The following SLC66A3 variants were observed in gnomAD, a reference collection of about 807,000 sequenced individuals.
The protein encoded by SLC66A3 is solute carrier family 66 member 3.
Under a neutral mutation model 25.5 loss-of-function variants are expected in SLC66A3, and 23 were observed. The ratio of observed to expected loss-of-function variants is 0.90; its 90% CI spans 0.65 to 1.28. The LOEUF (loss-of-function observed/expected upper bound fraction) is 1.28. Among genes scored for constraint, SLC66A3 ranks in the 50% most tolerant of loss-of-function variants. The pLI is 0.00. For missense variants in SLC66A3, 246 were observed against 262.1 expected, an observed-to-expected ratio of 0.94 and a Z score of 0.42; for synonymous variants, 108 against 112.6, an observed-to-expected ratio of 0.96 and a Z score of 0.26.
rs751674811 is a variant in SLC66A3, at chr2:11,155,643, A to T, written c.97A>T (p.Ser33Cys). 2 of 1,505,036 alleles carry T rather than the reference A, an allele frequency of 1.3e-6. No individual in the cohort carries two copies. The highest frequency in any genetic ancestry group is 1.8e-6 in the Non-Finnish European group (2 of 1,137,164). 93.2% of individuals were successfully genotyped at this position (1,505,036 alleles called of 1,614,324 possible). A position where few individuals can be genotyped will look rare whatever the true frequency, so the allele number is the denominator to read the frequency against. ...GATCTCCGCTGTGCTAGCGGCGCGC[A>T]GCGCGCGGGGCCTCAGCCTTCCGAG... ...PQISAVLAARSARGLSLPSLL... is the reference protein window; with the variant it reads ...PQISAVLAARCARGLSLPSLL... Residue 33 changes from serine to cysteine, a missense_variant, in exon 1 of 7, where the codon AGC (serine) becomes TGC (cysteine). By Grantham distance (112) the Ser-to-Cys change is moderately radical. Transcript: ENST00000295083.
chr2:11,162,637 C>T (rs541909193), intron 3 of SLC66A3, among the ~76,000 whole-genome samples: 160 of 152,268 alleles, frequency 1.1e-3, no homozygotes, highest in African/African-American at 3.7e-3. Flanking sequence ...GACGGAGTCA[C>T]ACTCTGTCGC....
At chr2:11,173,939 C>T (rs1256536335) in intron 5 of SLC66A3, among the ~76,000 whole-genome samples, 1 of 152,278 alleles carries the variant, frequency 6.6e-6, no homozygotes, top group East Asian at 1.9e-4. Flanking sequence ...AGGATAGAAA[C>T]CAGTGATTCG....
intron 1 of SLC66A3, among the ~76,000 whole-genome samples, chr2:11,158,798 G>A (rs978158686): frequency 6.7e-6 from 1 of 150,042 alleles, no homozygotes; most frequent in African/African-American, 2.4e-5. Context: ...CAGCCTGGGC[G>A]ACAGAGCAAG....
intron 4 of SLC66A3, 76 bp downstream of exon 4, chr2:11,164,337 A>ATTTTTTTTT (rs1662231872): frequency 8.3e-6 from 1 of 120,288 alleles, no homozygotes; most frequent in Non-Finnish European, 1.4e-5. Flanking sequence ...TTATATATAT[A>ATTTTTTTTT]TATATATATT....
At position 11,160,460 on chromosome 2, in the gene SLC66A3, C is replaced by T; in HGVS notation, c.144-6C>T. The T allele has an allele frequency of 6.2e-7, 1 of 1,614,020 alleles. No homozygotes were observed. The highest frequency in any genetic ancestry group is 8.5e-7 in the Non-Finnish European group (1 of 1,179,878). On this transcript the variant is annotated splice_polypyrimidine_tract_variant and splice_region_variant and intron_variant, in intron 1 of 6. Transcript: ENST00000295083. ...GCCGTGTGGACATGTGCCCTTCTCT[C>T]TCCAGATTCCTGGTGTTTCTGCGGT...
rs1259749799 is a variant in SLC66A3 at position 11,178,812 on chromosome 2, CAG to C, written c.*988_*989del. ...TGTTAGATGCAGTAATGATGTTTAC[CAG>C]AGATTATTGTTTCCTATGCAAAATA... On this transcript the variant is annotated 3_prime_UTR_variant, in exon 7 of 7. Coordinates refer to ENST00000295083, the MANE Select transcript of SLC66A3 (RefSeq NM_152391.5). The C allele has an allele frequency of 4.6e-5, 7 of 152,110 alleles. No homozygotes were observed. Among genetic ancestry groups the C allele is most frequent in the African/African-American group, 1.2e-4 (5 of 41,498 alleles). The allele number at this position is 152,110 out of a possible 1,614,324, so 9.4% of individuals were successfully genotyped here.
rs113011702 is a variant in SLC66A3, at chr2:11,156,515, A to T, written c.143+826A>T. Reference sequence around the variant, plus strand: ...TGGGGTCTGAAGCCTGGTCCTCCACACAAGCCTTCCTGGTGGGCGGGGTGG... The same window carrying T: ...TGGGGTCTGAAGCCTGGTCCTCCACTCAAGCCTTCCTGGTGGGCGGGGTGG... On this transcript the variant is annotated intron_variant, in intron 1 of 6. Coordinates refer to ENST00000295083, the MANE Select transcript of SLC66A3 (RefSeq NM_152391.5). Among the ~76,000 whole-genome samples the T allele has an allele frequency of 2.0e-5, 3 of 151,934 alleles. No homozygotes were observed. The East Asian group carries it at 5.8e-4, about 29-fold the overall frequency.
At chr2:11,175,810 A>AAC (rs1470377273) in intron 6 of SLC66A3, among the ~76,000 whole-genome samples, 18 of 152,238 alleles carry the variant, frequency 1.2e-4, no homozygotes, top group African/African-American at 4.3e-4. Flanking sequence ...AAATGATTAG[A>AAC]ACAGATGGTG....
At chr2:11,169,726 C>T (rs1049319162) in intron 4 of SLC66A3, among the ~76,000 whole-genome samples, 2 of 152,076 alleles carry the variant, frequency 1.3e-5, no homozygotes, top group African/African-American at 4.8e-5. Context: ...TCTGATCTCC[C>T]ACCCTGCCCC....
Position 11,156,776 on chromosome 2 carries a change from G to T in SLC66A3, c.143+1087G>T, listed in dbSNP as rs985659422. Among the ~76,000 whole-genome samples the T allele has an allele frequency of 6.2e-4, 94 of 152,256 alleles. 1 individual carries two copies. The highest frequency in any genetic ancestry group is 2.0e-3 in the African/African-American group (85 of 41,546). Reference sequence around the variant, plus strand: ...CTTGTGAGTGACTCTACCCTGCGGGGTGGGGAGGGGGGGGTCCCAGGCTGG... The same window carrying T: ...CTTGTGAGTGACTCTACCCTGCGGGTTGGGGAGGGGGGGGTCCCAGGCTGG... On this transcript the variant is annotated intron_variant, in intron 1 of 6. Coordinates refer to ENST00000295083, the MANE Select transcript of SLC66A3 (RefSeq NM_152391.5).
At chr2:11,163,105 G>A (rs1026726878) in intron 3 of SLC66A3, among the ~76,000 whole-genome samples, 1 of 152,146 alleles carries the variant, frequency 6.6e-6, no homozygotes, top group African/African-American at 2.4e-5. Context: ...AATGAGCCAT[G>A]TGTGGTGTCT....
chr2:11,164,177 C>G (rs1483149614), intron 3 of SLC66A3, 27 bp from the exon 4 acceptor site: 4 of 1,513,298 alleles, frequency 2.6e-6, no homozygotes, highest in Non-Finnish European at 3.6e-6. Flanking sequence ...GGGTGACCCA[C>G]TGCTGTGTCC....
intron 4 of SLC66A3, 84 bp downstream of exon 4, chr2:11,164,345 A>ATATATAT: frequency 7.5e-5 from 7 of 92,810 alleles, no homozygotes; most frequent in African/African-American, 2.8e-4. Context: ...ATATATATAT[A>ATATATAT]TTTTTTTTTT....
At chr2:11,176,695 ATTTTTTGTATTT>A (rs1662763312) in intron 6 of SLC66A3, among the ~76,000 whole-genome samples, 1 of 145,580 alleles carries the variant, frequency 6.9e-6, no homozygotes, top group Non-Finnish European at 1.5e-5. Context: ...CGCCCGGCTA[ATTTTTTGTATTT>A]TTAGTAGAGA....
rs544217609 is a variant in SLC66A3 at position 11,177,235 on chromosome 2, A to G, written c.518-502A>G. ...AGCACTTTGGGAGGCCAAGGTGGGCAGATTACTTGAGGTCAGGAGTTTGAG... is the reference window on the plus strand; with the variant it reads ...AGCACTTTGGGAGGCCAAGGTGGGCGGATTACTTGAGGTCAGGAGTTTGAG... On this transcript the variant is annotated intron_variant, in intron 6 of 6. Coordinates refer to ENST00000295083, the MANE Select transcript of SLC66A3 (RefSeq NM_152391.5). 1.5e-4 allele frequency among the ~76,000 whole-genome samples: 23 copies of G among 152,224 alleles called. No individual in the cohort carries two copies. In the South Asian group the frequency reaches 3.9e-3, roughly 26 times the overall value.
chr2:11,177,456 CAAAA>C (rs371498449), intron 6 of SLC66A3, among the ~76,000 whole-genome samples: 2 of 107,092 alleles, frequency 1.9e-5, no homozygotes, highest in Non-Finnish European at 4.0e-5. Context: ...AAGACTGTCT[CAAAA>C]AAAAAAAAAA....
chr2:11,161,893 T>C (rs570514695), intron 3 of SLC66A3, among the ~76,000 whole-genome samples: 1 of 152,334 alleles, frequency 6.6e-6, no homozygotes, highest in South Asian at 2.1e-4. Flanking sequence ...GAGCTGTTTC[T>C]TCCCATGCCC....
chr2:11,162,369 T>C (rs997056776), intron 3 of SLC66A3, among the ~76,000 whole-genome samples: 3 of 152,180 alleles, frequency 2.0e-5, no homozygotes, highest in African/African-American at 7.2e-5. Flanking sequence ...TAAACAGTAC[T>C]TTGAAGATGA....
chr2:11,158,440 A>T (rs1661985350), intron 1 of SLC66A3, among the ~76,000 whole-genome samples: 1 of 152,220 alleles, frequency 6.6e-6, no homozygotes, highest in African/African-American at 2.4e-5. Flanking sequence ...AGGCCGGCGG[A>T]TCACGAGGTC....
Sources: allele counts gnomAD v4.1 joint callset (sites outside exome capture counted in the v4.1 genomes callset), GRCh38; gene constraint gnomAD v4.1.1; transcripts MANE v1.5; gene names NCBI Gene and HGNC (gene_info 2026-07-23, HGNC 2026-07-21).